Variants in AKNA observed in about 807,000 individuals in gnomAD.
AKNA encodes the protein AT-hook transcription factor, also known as microtubule organization protein AKNA.
A neutral mutation model predicts 138.8 loss-of-function variants in AKNA; 67 were observed. The observed-to-expected ratio is 0.48, with a 90% confidence interval of 0.40 to 0.59. The LOEUF (loss-of-function observed/expected upper bound fraction) is 0.59. Ranked by LOEUF, AKNA falls within the 20% of genes least tolerant of loss-of-function variation. The pLI, the probability that AKNA is intolerant of heterozygous loss-of-function variation, is 0.00. For missense variants in AKNA, 1,813 were observed against 1,880.4 expected (o/e 0.96, Z 0.66); for synonymous variants, 737 against 754.4 (o/e 0.98, Z 0.38).
chr9:114,342,779 G>C (rs1168819633), intron 19 of AKNA, among the ~76,000 whole-genome samples: 1 of 113,352 alleles, frequency 8.8e-6, no homozygotes, highest in East Asian at 2.9e-4. Flanking sequence ...CCCCACTCGT[G>C]CTCCCCTACC....
At position 114,361,712 on chromosome 9, in the gene AKNA, A is replaced by G. The variant is rs771709744; in HGVS notation, c.2116T>C (p.Cys706Arg). ...GTTGAGCCAAGAGGTACCTCAGGGC[A>G]GGAGGTCTTGATGGCTGGCATGGGG... Reference protein sequence around the residue: ...QAPMPAIKTSCPEPATTTAAA... With the variant: ...QAPMPAIKTSRPEPATTTAAA... The change falls in exon 9 of 22, where the codon TGC becomes CGC. Residue 706 changes from cysteine (C) to arginine (R), a missense_variant. Coordinates refer to ENST00000374088, the MANE Select transcript of AKNA (RefSeq NM_001317950.2). 2.5e-6 allele frequency: 4 copies of G among 1,613,118 alleles called. No individual in the cohort carries two copies. The highest frequency in any genetic ancestry group is 2.5e-6 in the Non-Finnish European group (3 of 1,180,018).
intron 18 of AKNA, chr9:114,344,935 A>C (rs1316481908): frequency 6.6e-6 from 1 of 151,880 alleles, no homozygotes; most frequent in Non-Finnish European, 1.5e-5. Context: ...TTGTCCCCAG[A>C]ATCTGAGGTC....
At chr9:114,386,243 A>C (rs144085810) in intron 1 of AKNA, among the ~76,000 whole-genome samples, 83 of 152,348 alleles carry the variant, frequency 5.4e-4, no homozygotes, top group African/African-American at 1.9e-3. Flanking sequence ...AATATAGAAA[A>C]GAGTAAAAGT....
chr9:114,343,998 C>G, intron 18 of AKNA, 195 bp from the exon 19 acceptor site: 1 of 555,534 alleles, frequency 1.8e-6, no homozygotes, highest in Non-Finnish European at 3.2e-6. Flanking sequence ...GACACACATA[C>G]ACACATATAC....
chr9:114,360,125 T>C, intron 9 of AKNA, 63 bp from the exon 10 acceptor site: 1 of 1,605,384 alleles, frequency 6.2e-7, no homozygotes, highest in Non-Finnish European at 8.5e-7. Flanking sequence ...TTTTAAGCAC[T>C]TACCTCCTGC....
chr9:114,389,814 T>C (rs1458521283), upstream of AKNA, among the ~76,000 whole-genome samples: 1 of 152,196 alleles, frequency 6.6e-6, no homozygotes, highest in African/African-American at 2.4e-5. Flanking sequence ...GTTCCCAAGG[T>C]CAGCTTGTGA....
chr9:114,337,365 A>T (rs886587360), intron 21 of AKNA, 59 bp from the exon 22 acceptor site: 1 of 1,374,556 alleles, frequency 7.3e-7, no homozygotes, highest in Admixed American at 2.8e-5. Flanking sequence ...CAAGCCGAGG[A>T]GCACCGTGTG....
intron 15 of AKNA, among the ~76,000 whole-genome samples, chr9:114,348,343 C>T (rs1446569183): frequency 6.6e-6 from 1 of 152,232 alleles, no homozygotes; most frequent in Non-Finnish European, 1.5e-5. Flanking sequence ...TGCTTGTCCA[C>T]CATCTCCCCA....
intron 4 of AKNA, among the ~76,000 whole-genome samples, chr9:114,373,577 A>T (rs769752234): frequency 6.6e-6 from 1 of 152,026 alleles, no homozygotes; most frequent in Non-Finnish European, 1.5e-5. Context: ...AGAAGGAGAG[A>T]GATTCTCATG....
At position 114,361,601 on chromosome 9, in the gene AKNA, T is replaced by A. The variant is rs547618253; in HGVS notation, c.2124+103A>T. 1.1e-4 allele frequency: 145 copies of A among 1,316,934 alleles called. No homozygotes were observed. In the East Asian group the frequency reaches 3.3e-3, roughly 30 times the overall value. The allele number at this position is 1,316,934 out of a possible 1,614,324, so 81.6% of individuals were successfully genotyped here. On this transcript the variant is annotated intron_variant, in intron 9 of 21. Transcript: ENST00000374088. ...TTTACATATTTGGCACACACTGGCATATGGCACACACTTCATAAATATGTA... is the reference window on the plus strand; with the variant it reads ...TTTACATATTTGGCACACACTGGCAAATGGCACACACTTCATAAATATGTA...
At chr9:114,361,967 G>C in intron 8 of AKNA, 56 bp from the exon 9 acceptor site, 1 of 1,570,254 alleles carries the variant, frequency 6.4e-7, no homozygotes, top group Non-Finnish European at 8.6e-7. Context: ...CATCAGGCAG[G>C]TCCAGGAACA....
chr9:114,391,424 CT>C (rs1834333737), upstream of AKNA, among the ~76,000 whole-genome samples: 2 of 152,208 alleles, frequency 1.3e-5, no homozygotes, highest in African/African-American at 4.8e-5. Flanking sequence ...GCACTAGATG[CT>C]CAAGAACAGA....
rs186863368 is a variant in AKNA, at chr9:114,377,781, A to C, written c.275-249T>G. 7.1e-5 allele frequency: 39 copies of C among 549,446 alleles called. No individual in the cohort carries two copies. The East Asian group carries it at 1.2e-3, about 16-fold the overall frequency. The allele number at this position is 549,446 out of a possible 1,614,324, so 34.0% of individuals were successfully genotyped here. ...CCTCCAGTGTCTCCCATCTCAGCAG[A>C]CGGCAACACCATCCCCTCTATGCAT... On this transcript the variant is annotated intron_variant, in intron 2 of 21. Coordinates refer to ENST00000374088, the MANE Select transcript of AKNA (RefSeq NM_001317950.2).
upstream of AKNA, among the ~76,000 whole-genome samples, chr9:114,391,996 C>T (rs1012624305): frequency 6.6e-6 from 1 of 151,156 alleles, no homozygotes; most frequent in Non-Finnish European, 1.5e-5. Context: ...GCCAGCCCTT[C>T]CCACGAGCCT....
chr9:114,377,657 A>C, intron 2 of AKNA, 125 bp from the exon 3 acceptor site: 3 of 995,554 alleles, frequency 3.0e-6, no homozygotes, highest in Non-Finnish European at 4.3e-6. Context: ...AAGAATCCCA[A>C]GGTGGTGGTA....
At chr9:114,364,176 AAG>A (rs113430879) in intron 7 of AKNA, among the ~76,000 whole-genome samples, 3 of 151,986 alleles carry the variant, frequency 2.0e-5, no homozygotes, top group African/African-American at 7.2e-5. Context: ...CTGGATTTGA[AAG>A]AGAGACAGAC....
At chr9:114,350,475 C>T (rs1831027932) in intron 15 of AKNA, among the ~76,000 whole-genome samples, 1 of 151,960 alleles carries the variant, frequency 6.6e-6, no homozygotes, top group Non-Finnish European at 1.5e-5. Context: ...TGCACACGAA[C>T]CAAAAAAAGA....
intron 13 of AKNA, 43 bp downstream of exon 13, chr9:114,356,820 A>C (rs762495701): frequency 2.7e-6 from 4 of 1,480,888 alleles, no homozygotes; most frequent in Non-Finnish European, 2.7e-6. Flanking sequence ...AGGCTGTCCC[A>C]GGAATGTGGC....
In AKNA at chr9:114,359,903, T is replaced by A. The variant is rs1380863942; in HGVS notation, c.2284A>T (p.Met762Leu). 6.2e-7 allele frequency: 1 copy of A among 1,614,178 alleles called. No homozygotes were observed. Among genetic ancestry groups the A allele is most frequent in the Admixed American group, 1.7e-5 (1 of 60,020 alleles). The change falls in exon 10 of 22, where the codon ATG becomes TTG. Residue 762 changes from methionine to leucine, a missense_variant. Physicochemically the swap from Met to Leu is conservative, Grantham distance 15. Coordinates refer to ENST00000374088, the MANE Select transcript of AKNA (RefSeq NM_001317950.2). ...GGTCCAGGTGGCACTCACCGCTCCA[T>A]GAGGCCATGGTAAACTTGCTCCATC... is the stretch of plus-strand genomic sequence containing the variant. ...LQMEQVYHGL[M>L]ERYLSVKSLP... is the part of the protein sequence containing the mutation.
Sources: gnomAD v4.1 joint callset for allele counts (sites outside exome capture counted in the v4.1 genomes callset) on GRCh38, gnomAD v4.1.1 for gene constraint, MANE v1.5 for transcripts, NCBI Gene and HGNC (gene_info 2026-07-23, HGNC 2026-07-21) for gene names.